The following CHD1L variants were observed in gnomAD, a reference collection of about 807,000 sequenced individuals.
CHD1L encodes ATP-dependent chromatin remodeler CHD1L.
A neutral mutation model predicts 115.9 loss-of-function variants in CHD1L; 118 were observed. The ratio of observed to expected loss-of-function variants is 1.02; its 90% CI spans 0.88 to 1.19. The LOEUF (loss-of-function observed/expected upper bound fraction) is 1.19, where lower values mean the gene tolerates loss of function less well. Ranked by LOEUF, CHD1L falls within the 50% of genes most tolerant of loss-of-function variation. The pLI, the probability that CHD1L is intolerant of heterozygous loss-of-function variation, is 0.00. For missense variants in CHD1L, 1,179 were observed against 1,065.3 expected, an observed-to-expected ratio of 1.11 and a Z score of -1.49; for synonymous variants, 411 against 387.1, an observed-to-expected ratio of 1.06 and a Z score of -0.72.
the CHD1L span, among the ~76,000 whole-genome samples, chr1:147,188,023 A>G: frequency 5.3e-5 from 8 of 152,156 alleles, no homozygotes; most frequent in Admixed American, 5.2e-4. Flanking sequence ...AAATGATAGA[A>G]AATAAATTTG....
At chr1:147,213,158 T>A in the CHD1L span, 1 of 646,906 alleles carries the variant, frequency 1.5e-6, no homozygotes, top group Non-Finnish European at 2.3e-6. Flanking sequence ...TAATACAAGT[T>A]ACCCCAACAT....
the CHD1L span, chr1:147,178,215 C>G: frequency 2.4e-4 from 394 of 1,613,472 alleles, 1 homozygote; most frequent in East Asian, 8.5e-3. Context: ...GGGACGACAA[C>G]TTGGAGAGTC....
chr1:147,225,096 C>T, the CHD1L span: 1 of 1,609,488 alleles, frequency 6.2e-7, no homozygotes, highest in Non-Finnish European at 8.5e-7. Flanking sequence ...AGACAAAAAG[C>T]ACACATCGGT....
chr1:147,275,206 G>C, intron 12 of CHD1L, 148 bp from the exon 13 acceptor site: 1 of 657,598 alleles, frequency 1.5e-6, no homozygotes, highest in Non-Finnish European at 2.8e-6. Context: ...CAAGGCTTTG[G>C]AGTTAGGGGT....
At chr1:147,204,893 T>C in the CHD1L span, 1 of 1,585,752 alleles carries the variant, frequency 6.3e-7, no homozygotes. Flanking sequence ...TCCTTGAGCA[T>C]CTGGGCGAAG....
chr1:147,190,882 G>A, the CHD1L span, among the ~76,000 whole-genome samples: 3 of 151,590 alleles, frequency 2.0e-5, no homozygotes, highest in African/African-American at 7.3e-5. Context: ...CCCTTCCTGT[G>A]TCCATCTGTT....
chr1:147,186,732 T>C, the CHD1L span: 1 of 1,431,500 alleles, frequency 7.0e-7, no homozygotes, highest in South Asian at 1.5e-5. Flanking sequence ...TTAATACAAA[T>C]GGAAAACAGG....
At chr1:147,179,276 A>G in the CHD1L span, 1 of 1,610,064 alleles carries the variant, frequency 6.2e-7, no homozygotes, top group Admixed American at 1.7e-5. Context: ...AATTTTGATG[A>G]AATAGTGAAT....
At chr1:147,279,430 A>G (rs1679925789) in intron 14 of CHD1L, among the ~76,000 whole-genome samples, 1 of 152,226 alleles carries the variant, frequency 6.6e-6, no homozygotes, top group African/African-American at 2.4e-5. Flanking sequence ...GAAGCAGGAT[A>G]GTGCAATGCC....
chr1:147,275,094 A>T (rs1553956396), intron 12 of CHD1L, among the ~76,000 whole-genome samples: 1 of 152,178 alleles, frequency 6.6e-6, no homozygotes, highest in African/African-American at 2.4e-5. Flanking sequence ...TTAAGTATCC[A>T]CCTTGGCCAC....
chr1:147,221,315 C>T, the CHD1L span, among the ~76,000 whole-genome samples: 2 of 152,112 alleles, frequency 1.3e-5, no homozygotes, highest in Non-Finnish European at 2.9e-5. Flanking sequence ...TTGGTTCATT[C>T]ATTATTTAAA....
chr1:147,233,421 TG>T, the CHD1L span, among the ~76,000 whole-genome samples: 1 of 54,138 alleles, frequency 1.8e-5, no homozygotes, highest in Non-Finnish European at 3.6e-5. Flanking sequence ...GGGAGGGAGG[TG>T]GGGGGTCAGC....
intron 19 of CHD1L, among the ~76,000 whole-genome samples, chr1:147,290,482 G>C (rs1685082878): frequency 6.6e-6 from 1 of 152,170 alleles, no homozygotes; most frequent in Non-Finnish European, 1.5e-5. Flanking sequence ...CGCCGAGGTT[G>C]GGCAGGCAGT....
chr1:147,191,247 A>C, the CHD1L span, among the ~76,000 whole-genome samples: 1 of 152,144 alleles, frequency 6.6e-6, no homozygotes, highest in Non-Finnish European at 1.5e-5. Flanking sequence ...TAGATTCCTG[A>C]GGAATCGCCA....
At chr1:147,270,521 C>CT (rs1315878906) in intron 10 of CHD1L, among the ~76,000 whole-genome samples, 148,973 of 150,504 alleles carry the variant, frequency 0.99, 73,738 homozygotes, top group Middle Eastern at 1. Context: ...TTTTTCTTTT[C>CT]TTTTTTTTTG....
chr1:147,280,266 G>A (rs1409697505), intron 15 of CHD1L, 75 bp downstream of exon 15: 1 of 1,441,032 alleles, frequency 6.9e-7, no homozygotes, highest in Non-Finnish European at 9.3e-7. Flanking sequence ...GGAAAGTTTT[G>A]GATGCTGCTC....
chr1:147,215,761 C>A, the CHD1L span: 3 of 1,596,644 alleles, frequency 1.9e-6, no homozygotes, highest in South Asian at 1.1e-5. Flanking sequence ...TACCTTAAAT[C>A]GAATATACTT....
the CHD1L span, among the ~76,000 whole-genome samples, chr1:147,177,261 A>G: frequency 6.6e-6 from 1 of 152,236 alleles, no homozygotes; most frequent in Non-Finnish European, 1.5e-5. Flanking sequence ...GCCAACTAAA[A>G]GAGCTCCCAA....
chr1:147,195,637 T>C, the CHD1L span, among the ~76,000 whole-genome samples: 2 of 152,152 alleles, frequency 1.3e-5, no homozygotes, highest in Admixed American at 1.3e-4. Flanking sequence ...TAAGGCTTAA[T>C]AGTATTTAAG....
Sources: gnomAD v4.1 joint callset for allele counts (sites outside exome capture counted in the v4.1 genomes callset) on GRCh38, gnomAD v4.1.1 for gene constraint, MANE v1.5 for transcripts, NCBI Gene and HGNC (gene_info 2026-07-23, HGNC 2026-07-21) for gene names.